The following GJC1 variants were observed in gnomAD, a reference collection of about 807,000 sequenced individuals.
GJC1 encodes the protein gap junction protein gamma 1.
Under a neutral mutation model 29.3 loss-of-function variants are expected in GJC1, and 5 were observed. That is an observed-to-expected ratio of 0.17 (90% confidence interval 0.09 to 0.36). The LOEUF is 0.36. Among genes scored for constraint, GJC1 ranks in the 10% least tolerant of loss-of-function variants. The pLI is 1.00. For synonymous variants in GJC1, 177 were observed against 183.3 expected, an observed-to-expected ratio of 0.97 and a Z score of 0.28; for missense variants, 310 against 496.2, an observed-to-expected ratio of 0.62 and a Z score of 3.56.
chr17:44,813,429 A>G (rs1188554253), intron 1 of GJC1: 1 of 141,468 alleles, frequency 7.1e-6, no homozygotes, highest in Non-Finnish European at 1.5e-5. Flanking sequence ...GTTTTTACCT[A>G]TTGAGTCAGT....
chr17:44,817,975 G>A (rs954515646), intron 1 of GJC1, among the ~76,000 whole-genome samples: 7 of 152,170 alleles, frequency 4.6e-5, no homozygotes, highest in African/African-American at 1.7e-4. Flanking sequence ...CACTTTGGGA[G>A]GCCGAGGTGG....
intron 1 of GJC1, among the ~76,000 whole-genome samples, chr17:44,814,266 G>A (rs753013799): frequency 9.9e-5 from 15 of 151,516 alleles, no homozygotes; most frequent in Non-Finnish European, 1.8e-4. Context: ...TCAGCCTCCC[G>A]AGAAGCTGGG....
chr17:44,828,670 A>G (rs2050199953), intron 1 of GJC1, among the ~76,000 whole-genome samples: 1 of 152,204 alleles, frequency 6.6e-6, no homozygotes, highest in Non-Finnish European at 1.5e-5. Context: ...ATTCAAAGCA[A>G]CTGCAGTGAT....
intron 1 of GJC1, among the ~76,000 whole-genome samples, chr17:44,821,199 C>T (rs1401744406): frequency 6.6e-6 from 1 of 152,144 alleles, no homozygotes; most frequent in Non-Finnish European, 1.5e-5. Context: ...ATAATATATT[C>T]ATTCACAACA....
At chr17:44,811,707 T>C (rs769715047) in intron 1 of GJC1, among the ~76,000 whole-genome samples, 12 of 152,028 alleles carry the variant, frequency 7.9e-5, no homozygotes, top group South Asian at 4.2e-4. Context: ...AATATAATTC[T>C]GTGGGAAAAA....
At chr17:44,813,115 C>T (rs1354581234) in intron 1 of GJC1, 1 of 152,146 alleles carries the variant, frequency 6.6e-6, no homozygotes, top group East Asian at 1.9e-4. Context: ...GTCACCCAGG[C>T]TGGAGCACAG....
chr17:44,796,174 C>T (rs2049782267), downstream of GJC1, among the ~76,000 whole-genome samples: 1 of 152,230 alleles, frequency 6.6e-6, no homozygotes, highest in African/African-American at 2.4e-5. Flanking sequence ...AATGCCAGTC[C>T]TCACCTAGGT....
downstream of GJC1, chr17:44,794,531 T>C (rs1460124241): frequency 1.3e-5 from 2 of 152,254 alleles, no homozygotes; most frequent in Non-Finnish European, 2.9e-5. Context: ...TGCAACGTGC[T>C]TTCAGAAAAA....
chr17:44,814,835 T>C (rs937322225), intron 1 of GJC1, among the ~76,000 whole-genome samples: 4 of 151,680 alleles, frequency 2.6e-5, no homozygotes, highest in Admixed American at 6.6e-5. Context: ...CCCAGCTACT[T>C]GGAGGCTGAG....
chr17:44,824,764 C>G (rs960534090), intron 1 of GJC1, among the ~76,000 whole-genome samples: 1 of 147,194 alleles, frequency 6.8e-6, no homozygotes, highest in South Asian at 2.1e-4. Flanking sequence ...GAGCCGAGAT[C>G]GCACCACTGC....
chr17:44,795,916 G>A (rs919950969), downstream of GJC1, among the ~76,000 whole-genome samples: 2 of 152,242 alleles, frequency 1.3e-5, no homozygotes, highest in African/African-American at 4.8e-5. Flanking sequence ...ATGAGTGCAA[G>A]GTTTTATTGA....
intron 1 of GJC1, among the ~76,000 whole-genome samples, chr17:44,812,854 A>G (rs537548359): frequency 6.6e-6 from 1 of 151,740 alleles, no homozygotes; most frequent in African/African-American, 2.4e-5. Flanking sequence ...TCACCACATT[A>G]ACCGGGATGG....
rs1321254169 is a variant in GJC1 at position 44,803,077 on chromosome 17, A to G, written c.*1550T>C. 1 of 152,146 alleles carries G rather than the reference A, an allele frequency of 6.6e-6. No homozygotes were observed. Among genetic ancestry groups the G allele is most frequent in the Non-Finnish European group, 1.5e-5 (1 of 68,040 alleles). The allele number at this position is 152,146 out of a possible 1,614,324, so 9.4% of individuals were successfully genotyped here. ...GTAGAGAAACAAAAACACTGCACAAAGGGTGCAGTGTTCTACTATTCATCT... is the reference window on the plus strand; with the variant it reads ...GTAGAGAAACAAAAACACTGCACAAGGGGTGCAGTGTTCTACTATTCATCT... On this transcript the variant is annotated 3_prime_UTR_variant, in exon 3 of 3. Transcript: ENST00000592524.
chr17:44,820,705 T>TC (rs1352386418), intron 1 of GJC1, among the ~76,000 whole-genome samples: 1 of 152,200 alleles, frequency 6.6e-6, no homozygotes, highest in African/African-American at 2.4e-5. Flanking sequence ...AGCTGAGCAA[T>TC]CCACTAAGAA....
intron 1 of GJC1, among the ~76,000 whole-genome samples, chr17:44,829,025 A>G (rs75915470): frequency 0.012 from 1,836 of 151,440 alleles, 38 homozygotes; most frequent in African/African-American, 0.042. Flanking sequence ...ACACAAACAT[A>G]TAACAAATTT....
In GJC1 at chr17:44,804,300, TA is replaced by T. The variant is rs199789186; in HGVS notation, c.*326del. 5,341 of 185,928 alleles carry T rather than the reference TA, an allele frequency of 0.029. 2 individuals carry two copies. The highest frequency in any genetic ancestry group is 0.043 in the Middle Eastern group (19 of 446). The allele number at this position is 185,928 out of a possible 1,614,324, so 11.5% of individuals were successfully genotyped here. A position where few individuals can be genotyped will look rare whatever the true frequency, so the allele number is the denominator to read the frequency against. On this transcript the variant is annotated 3_prime_UTR_variant, in exon 3 of 3. Transcript: ENST00000592524. ...ACAAATACAAAAAAAGTTCTCATAC[TA>T]AAAAAAAAAAAGTACCATAATACTG...
intron 1 of GJC1, among the ~76,000 whole-genome samples, chr17:44,828,396 C>T (rs1424672413): frequency 6.6e-6 from 1 of 152,174 alleles, no homozygotes; most frequent in Admixed American, 6.5e-5. Context: ...GTTAAAAGTG[C>T]TGGCTTTTGA....
intron 1 of GJC1, among the ~76,000 whole-genome samples, chr17:44,813,777 G>C: frequency 6.6e-6 from 1 of 152,086 alleles, no homozygotes; most frequent in East Asian, 1.9e-4. Flanking sequence ...ACAGGCGTGA[G>C]TCACCACGCC....
intron 1 of GJC1, among the ~76,000 whole-genome samples, chr17:44,822,330 C>T (rs1289392122): frequency 1.3e-5 from 2 of 149,788 alleles, no homozygotes; most frequent in Non-Finnish European, 3.0e-5. Flanking sequence ...TTCTTTTTGA[C>T]GGAATAAAAA....
Sources: allele counts gnomAD v4.1 joint callset (sites outside exome capture counted in the v4.1 genomes callset), GRCh38; gene constraint gnomAD v4.1.1; transcripts MANE v1.5; gene names NCBI Gene and HGNC (gene_info 2026-07-23, HGNC 2026-07-21).